SYN2: variants seen among roughly 807,000 people sequenced by gnomAD.
SYN2 encodes the protein synapsin II, also known as synapsin-2.
Under a neutral mutation model 50.9 loss-of-function variants are expected in SYN2, and 19 were observed. The ratio of observed to expected loss-of-function variants is 0.37; its 90% confidence interval spans 0.26 to 0.55. The LOEUF is 0.55. SYN2 is among the 20% of genes least tolerant of loss of function. The pLI is 0.81. For synonymous variants in SYN2, 255 were observed against 224.9 expected (o/e 1.13, Z -1.20); for missense variants, 587 against 576.4 (o/e 1.02, Z -0.19).
intron 1 of SYN2, among the ~76,000 whole-genome samples, chr3:12,104,326 C>T (rs1332804824): frequency 6.6e-6 from 1 of 151,868 alleles, no homozygotes; most frequent in African/African-American, 2.4e-5. Context: ...AAAATAGCCT[C>T]AAAATAAATA....
intron 1 of SYN2, among the ~76,000 whole-genome samples, chr3:12,058,780 A>G (rs1013516045): frequency 1.1e-4 from 16 of 152,310 alleles, no homozygotes; most frequent in Admixed American, 9.1e-4. Context: ...CAGTGCTGAG[A>G]ATGGCTTCTA....
chr3:12,023,521 G>A (rs978309809), intron 1 of SYN2, among the ~76,000 whole-genome samples: 1 of 152,166 alleles, frequency 6.6e-6, no homozygotes, highest in Non-Finnish European at 1.5e-5. Context: ...GGCACACTGT[G>A]GACCATGTTC....
intron 1 of SYN2, among the ~76,000 whole-genome samples, chr3:12,014,484 C>T (rs1693978731): frequency 6.6e-6 from 1 of 152,130 alleles, no homozygotes; most frequent in Admixed American, 6.5e-5. Context: ...AGAGATTTAG[C>T]TCTGAATGAG....
intron 10 of SYN2, among the ~76,000 whole-genome samples, chr3:12,178,286 C>T (rs1030635018): frequency 6.6e-6 from 1 of 152,200 alleles, no homozygotes; most frequent in African/African-American, 2.4e-5. Context: ...AGGCCTTCCT[C>T]CTTGGTTGGG....
intron 5 of SYN2, chr3:12,158,613 T>A: frequency 6.5e-7 from 1 of 1,543,982 alleles, no homozygotes; most frequent in Non-Finnish European, 8.7e-7. Flanking sequence ...AGCTCCTCCC[T>A]TTTCCTCTGG....
chr3:12,027,029 A>G (rs983890568), intron 1 of SYN2, among the ~76,000 whole-genome samples: 9 of 152,176 alleles, frequency 5.9e-5, no homozygotes, highest in Admixed American at 3.3e-4. Context: ...ATAAAAGGGT[A>G]GGAGAGTGGG....
intron 1 of SYN2, among the ~76,000 whole-genome samples, chr3:12,013,362 G>C (rs191569393): frequency 6.6e-6 from 1 of 151,838 alleles, no homozygotes; most frequent in Non-Finnish European, 1.5e-5. Flanking sequence ...ATGTTCCTCC[G>C]GGCCCCCTTT....
At chr3:12,018,269 A>G (rs568964523) in intron 1 of SYN2, among the ~76,000 whole-genome samples, 24 of 152,320 alleles carry the variant, frequency 1.6e-4, no homozygotes, top group African/African-American at 5.5e-4. Context: ...TTCAGTAAAA[A>G]GGAAGAGATA....
chr3:12,121,270 C>T (rs187495259), intron 1 of SYN2, among the ~76,000 whole-genome samples: 12 of 152,266 alleles, frequency 7.9e-5, no homozygotes, highest in South Asian at 2.1e-4. Context: ...TGTTTGTAGC[C>T]GAGTCTCGTA....
chr3:12,075,253 C>A (rs1011825613), intron 1 of SYN2, among the ~76,000 whole-genome samples: 4 of 152,226 alleles, frequency 2.6e-5, no homozygotes, highest in Admixed American at 2.6e-4. Flanking sequence ...GCTTCCTATG[C>A]ACCATTGCAT....
chr3:12,099,461 A>G (rs981139558), intron 1 of SYN2, among the ~76,000 whole-genome samples: 3 of 152,218 alleles, frequency 2.0e-5, no homozygotes, highest in African/African-American at 7.2e-5. Context: ...TACACAACCA[A>G]TGAGTCAAAG....
intron 1 of SYN2, among the ~76,000 whole-genome samples, chr3:12,131,244 C>T (rs17035874): frequency 0.079 from 12,041 of 152,130 alleles, 579 homozygotes; most frequent in African/African-American, 0.13. Flanking sequence ...AGAAGAGATA[C>T]TAGTTGCAAA....
At chr3:12,186,176 A>G (rs6801787) in intron 11 of SYN2, among the ~76,000 whole-genome samples, 8,077 of 152,078 alleles carry the variant, frequency 0.053, 758 homozygotes, top group African/African-American at 0.18. Context: ...GCTGGTGCTG[A>G]GTTTCTGTAA....
rs78984703 is a variant in SYN2 at position 12,113,077 on chromosome 3, C to T, written c.378-27574C>T. Among the ~76,000 whole-genome samples, 731 of 152,224 alleles carry T rather than the reference C, an allele frequency of 4.8e-3. 4 individuals are homozygous for T. Among genetic ancestry groups the T allele is most frequent in the African/African-American group, 0.017 (687 of 41,534 alleles). On this transcript the variant is annotated intron_variant, in intron 1 of 12. Transcript: ENST00000621198. Reference sequence around the variant, plus strand: ...AGGGCTTTGTGCACGTTCTAGGCCCCGTGGTGGTCTTAGTCTGTCTGTTAT... The same window carrying T: ...AGGGCTTTGTGCACGTTCTAGGCCCTGTGGTGGTCTTAGTCTGTCTGTTAT...
At chr3:12,155,297 T>C (rs1440591392) in intron 5 of SYN2, among the ~76,000 whole-genome samples, 5 of 152,344 alleles carry the variant, frequency 3.3e-5, no homozygotes, top group South Asian at 4.1e-4. Context: ...AATTACACTA[T>C]TGTGTGGTTC....
intron 1 of SYN2, among the ~76,000 whole-genome samples, chr3:12,034,954 A>G (rs1694465315): frequency 6.6e-6 from 1 of 152,194 alleles, no homozygotes; most frequent in South Asian, 2.1e-4. Context: ...TAAATCAGAT[A>G]TGGGTGAGAC....
At chr3:12,131,063 G>T (rs1234565010) in intron 1 of SYN2, among the ~76,000 whole-genome samples, 1 of 152,196 alleles carries the variant, frequency 6.6e-6, no homozygotes, top group Non-Finnish European at 1.5e-5. Context: ...TGCTTATGCA[G>T]GTTGTTCACT....
chr3:12,123,874 G>A (rs1032453503), intron 1 of SYN2, among the ~76,000 whole-genome samples: 1 of 152,086 alleles, frequency 6.6e-6, no homozygotes, highest in African/African-American at 2.4e-5. Flanking sequence ...AGCCAAGTGT[G>A]GTGGTGTGTG....
intron 1 of SYN2, among the ~76,000 whole-genome samples, chr3:12,036,371 C>G (rs975112380): frequency 6.6e-6 from 1 of 152,178 alleles, no homozygotes; most frequent in East Asian, 1.9e-4. Flanking sequence ...AGGAGATTGC[C>G]ATGGCTCCAC....
Sources: allele counts gnomAD v4.1 joint callset (sites outside exome capture counted in the v4.1 genomes callset), GRCh38; gene constraint gnomAD v4.1.1; transcripts MANE v1.5; gene names NCBI Gene and HGNC (gene_info 2026-07-23, HGNC 2026-07-21).